KCNMA1: variants seen among roughly 807,000 people sequenced by gnomAD.
The protein encoded by KCNMA1 is potassium calcium-activated channel subfamily M alpha 1.
KCNMA1 carries 29 observed loss-of-function variants against 140.0 expected under a neutral mutation model. That is an observed-to-expected ratio of 0.21 (90% confidence interval 0.15 to 0.28). KCNMA1 has a LOEUF of 0.28. Ranked by LOEUF, KCNMA1 falls within the 10% of genes least tolerant of loss-of-function variation. KCNMA1 has a pLI of 1.00. For synonymous variants in KCNMA1, 612 were observed against 611.9 expected (o/e 1.00, Z 0.00); for missense variants, 880 against 1,602.2 (o/e 0.55, Z 7.70).
chr10:76,971,695 T>C (rs1425836790), intron 19 of KCNMA1, among the ~76,000 whole-genome samples: 1 of 152,184 alleles, frequency 6.6e-6, no homozygotes, highest in East Asian at 1.9e-4. Flanking sequence ...ATCAGTCATT[T>C]AGAGCTCCAG....
chr10:76,980,536 T>A (rs1263577639), intron 19 of KCNMA1: 5 of 152,214 alleles, frequency 3.3e-5, no homozygotes, highest in Admixed American at 6.5e-5. Context: ...ACCCTGCTGA[T>A]ACACAGGATT....
chr10:77,108,202 G>A lies in KCNMA1; in HGVS notation c.1223+279C>T, dbSNP rs1166024992. 4.6e-6 allele frequency: 5 copies of A among 1,083,732 alleles called. No homozygotes were observed. Among genetic ancestry groups the A allele is most frequent in the Middle Eastern group, 3.0e-4 (1 of 3,298 alleles). The allele number at this position is 1,083,732 out of a possible 1,614,324, so 67.1% of individuals were successfully genotyped here. ...CCTCACAGAAGCACCCGGTGGGGTT[G>A]GGGAGGGGCAGAATTCAGATGGCAC... On this transcript the variant is annotated intron_variant, in intron 9 of 27. Transcript: ENST00000286628. This position sits in a 1 kb window ranked among gnomAD's most constrained non-coding sequence, Gnocchi z 4.6.
At chr10:77,392,076 G>T (rs189381240) in intron 2 of KCNMA1, among the ~76,000 whole-genome samples, 2 of 149,204 alleles carry the variant, frequency 1.3e-5, no homozygotes, top group African/African-American at 5.0e-5. Flanking sequence ...TCCAGGGGGC[G>T]CCAGCTTTCA....
At chr10:77,042,242 G>GT (rs113535158) in intron 14 of KCNMA1, among the ~76,000 whole-genome samples, 29,660 of 152,082 alleles carry the variant, frequency 0.2, 3,183 homozygotes, top group Middle Eastern at 0.28. Context: ...ACTGCAATGT[G>GT]TTTAGCTAAG....
chr10:77,341,673 G>T (rs1233579037), intron 2 of KCNMA1, among the ~76,000 whole-genome samples: 1 of 152,228 alleles, frequency 6.6e-6, no homozygotes, highest in Non-Finnish European at 1.5e-5. Flanking sequence ...AGTTGCTGAA[G>T]GTTGGGGCTG....
At chr10:77,209,353 G>A (rs1166820545) in intron 3 of KCNMA1, among the ~76,000 whole-genome samples, 4 of 152,102 alleles carry the variant, frequency 2.6e-5, no homozygotes, top group African/African-American at 9.7e-5. Context: ...CTGAGGTAAT[G>A]GAAAAGAAAA....
intron 17 of KCNMA1, among the ~76,000 whole-genome samples, chr10:77,013,124 T>C (rs913946601): frequency 1.3e-5 from 2 of 152,232 alleles, no homozygotes; most frequent in Admixed American, 1.3e-4. Flanking sequence ...AACACAATTC[T>C]TGACCATTTG....
intron 2 of KCNMA1, among the ~76,000 whole-genome samples, chr10:77,367,241 G>A (rs2094422628): frequency 6.6e-6 from 1 of 152,186 alleles, no homozygotes; most frequent in East Asian, 1.9e-4. Context: ...ACAAAGCAGA[G>A]AATATACACT....
At chr10:77,633,185 T>G (rs367843679) in intron 1 of KCNMA1, among the ~76,000 whole-genome samples, 153 of 152,174 alleles carry the variant, frequency 1.0e-3, no homozygotes, top group African/African-American at 3.4e-3. Context: ...TGTGGCAGCG[T>G]GCGCCTGTAG....
chr10:77,613,528 G>C (rs1018826259), intron 1 of KCNMA1, among the ~76,000 whole-genome samples: 4 of 152,232 alleles, frequency 2.6e-5, no homozygotes, highest in Admixed American at 6.5e-5. Context: ...CCTTATAGGA[G>C]GCGGTTCAGA....
intron 1 of KCNMA1, among the ~76,000 whole-genome samples, chr10:77,614,834 C>T (rs2154568617): frequency 6.6e-6 from 1 of 152,322 alleles, no homozygotes; most frequent in South Asian, 2.1e-4. Context: ...GCAAGCACCA[C>T]ATGACTGACA....
At chr10:77,246,216 C>T (rs1384994029) in intron 3 of KCNMA1, among the ~76,000 whole-genome samples, 1 of 152,204 alleles carries the variant, frequency 6.6e-6, no homozygotes, top group East Asian at 1.9e-4. Context: ...TTAGAATGAG[C>T]CATGCTGGAA....
At chr10:77,548,197 G>A (rs1015129728) in intron 1 of KCNMA1, among the ~76,000 whole-genome samples, 2 of 152,140 alleles carry the variant, frequency 1.3e-5, no homozygotes, top group African/African-American at 4.8e-5. Context: ...AAAGGAATGA[G>A]GTGCCTGGTA....
intron 1 of KCNMA1, chr10:77,636,489 C>T (rs2093749019): frequency 6.5e-7 from 1 of 1,536,078 alleles, no homozygotes; most frequent in Non-Finnish European, 8.7e-7. Flanking sequence ...CTGCTGGTGG[C>T]ATTTCCGGGG....
chr10:77,451,853 T>C (rs1327936061), intron 1 of KCNMA1, among the ~76,000 whole-genome samples: 1 of 152,168 alleles, frequency 6.6e-6, no homozygotes, highest in Non-Finnish European at 1.5e-5. Context: ...AAAAAGTTTG[T>C]GGAGAGTCAC....
At chr10:76,967,889 C>T (rs1040626311) in intron 20 of KCNMA1, among the ~76,000 whole-genome samples, 9 of 152,112 alleles carry the variant, frequency 5.9e-5, no homozygotes, top group African/African-American at 2.2e-4. Flanking sequence ...TCCCTCAGCC[C>T]CTCTCCAGCA....
At chr10:77,444,366 A>ACC (rs2097480272) in intron 1 of KCNMA1, among the ~76,000 whole-genome samples, 2 of 152,254 alleles carry the variant, frequency 1.3e-5, no homozygotes, top group Non-Finnish European at 2.9e-5. Context: ...AGGATGAAGA[A>ACC]AGGAGGAGGA....
intron 3 of KCNMA1, among the ~76,000 whole-genome samples, chr10:77,218,673 G>GATTT (rs1397738605): frequency 6.6e-6 from 1 of 152,080 alleles, no homozygotes; most frequent in Non-Finnish European, 1.5e-5. Context: ...GAGACTGTTG[G>GATTT]ATTTATTTAT....
chr10:77,283,592 G>GA (rs1246866825), intron 2 of KCNMA1, among the ~76,000 whole-genome samples: 1 of 152,212 alleles, frequency 6.6e-6, no homozygotes, highest in Non-Finnish European at 1.5e-5. Context: ...AGCTGTCTCT[G>GA]AATTTGATGA....
Sources: allele counts gnomAD v4.1 joint callset (sites outside exome capture counted in the v4.1 genomes callset), GRCh38; gene constraint gnomAD v4.1.1; non-coding constraint Gnocchi (gnomAD v3.1); transcripts MANE v1.5; gene names NCBI Gene and HGNC (gene_info 2026-07-23, HGNC 2026-07-21).